PTPN2: variants seen among roughly 807,000 people sequenced by gnomAD.
PTPN2 encodes the protein protein tyrosine phosphatase non-receptor type 2.
Under a neutral mutation model 57.3 loss-of-function variants are expected in PTPN2, and 19 were observed. The ratio of observed to expected loss-of-function variants is 0.33; its 90% CI spans 0.23 to 0.49. PTPN2 has a LOEUF of 0.49. PTPN2 is among the 20% of genes least tolerant of loss of function. The pLI is 0.99. For missense variants in PTPN2, 358 were observed against 501.1 expected (o/e 0.71, Z 2.73); for synonymous variants, 153 against 164.9 (o/e 0.93, Z 0.55).
At chr18:12,859,722 C>G (rs2043724732) in intron 1 of PTPN2, among the ~76,000 whole-genome samples, 1 of 152,188 alleles carries the variant, frequency 6.6e-6, no homozygotes, top group Non-Finnish European at 1.5e-5. Context: ...GAGTTTCTAC[C>G]TGAAAATATT....
chr18:12,830,843 G>T, intron 4 of PTPN2, 100 bp downstream of exon 4: 2 of 896,946 alleles, frequency 2.2e-6, no homozygotes, highest in South Asian at 1.8e-5. Flanking sequence ...AGCAATTAAA[G>T]GCCAAAACTA....
chr18:12,802,183 C>A, intron 7 of PTPN2, 32 bp from the exon 8 acceptor site: 2 of 1,474,964 alleles, frequency 1.4e-6, no homozygotes, highest in South Asian at 1.3e-5. Flanking sequence ...AAAACAAATG[C>A]AAACATTAAA....
At chr18:12,858,601 C>A (rs2145472618) in intron 2 of PTPN2, among the ~76,000 whole-genome samples, 1 of 152,264 alleles carries the variant, frequency 6.6e-6, no homozygotes, top group East Asian at 1.9e-4. Context: ...AAAAGAGCTA[C>A]AAATGAGTAT....
At chr18:12,848,388 A>G (rs560140679) in intron 2 of PTPN2, among the ~76,000 whole-genome samples, 16 of 152,250 alleles carry the variant, frequency 1.1e-4, no homozygotes, top group Non-Finnish European at 2.2e-4. Context: ...TACTTCCTCC[A>G]TCAAACTAAT....
chr18:12,794,762 C>T (rs2041104727), intron 8 of PTPN2, among the ~76,000 whole-genome samples: 1 of 152,148 alleles, frequency 6.6e-6, no homozygotes, highest in South Asian at 2.1e-4. Context: ...ACTGAGACTG[C>T]AGGCGTGCAC....
At chr18:12,811,674 AACTC>A (rs1407757484) in intron 7 of PTPN2, among the ~76,000 whole-genome samples, 3 of 152,150 alleles carry the variant, frequency 2.0e-5, no homozygotes, top group African/African-American at 7.2e-5. Flanking sequence ...AGGTTCAGCA[AACTC>A]ACTCGTCTCT....
At chr18:12,853,526 T>G (rs1290905305) in intron 2 of PTPN2, among the ~76,000 whole-genome samples, 1 of 152,200 alleles carries the variant, frequency 6.6e-6, no homozygotes, top group African/African-American at 2.4e-5. Context: ...TACACATTCC[T>G]GAGCCCCTCT....
intron 2 of PTPN2, among the ~76,000 whole-genome samples, chr18:12,858,449 T>G (rs2043672150): frequency 1.3e-5 from 2 of 152,198 alleles, no homozygotes; most frequent in Non-Finnish European, 2.9e-5. Context: ...TTCACACAAT[T>G]GTGTGCGTCT....
In PTPN2 at chr18:12,793,795, G is replaced by C; in HGVS notation, c.*483C>G. 1 of 938,602 alleles carries C rather than the reference G, an allele frequency of 1.1e-6. No individual in the cohort carries two copies. The highest frequency in any genetic ancestry group is 1.3e-6 in the Non-Finnish European group (1 of 785,538). The allele number at this position is 938,602 out of a possible 1,614,324, so 58.1% of individuals were successfully genotyped here. On this transcript the variant is annotated 3_prime_UTR_variant, in exon 9 of 9. Coordinates refer to ENST00000309660, the MANE Select transcript of PTPN2 (RefSeq NM_002828.4). ...GATACTTATAAAATATATTTACCCT[G>C]AAATGCTTAAGAATAAAAGTGTTGA...
rs151025694 is a variant in PTPN2 at position 12,851,087 on chromosome 18, C to T, written c.160+8077G>A. ...TTACTTGACAGCCTAGTCAATGGTC[C>T]ATTTTTTACAAATAGACCATGTCAG... is the stretch of plus-strand genomic sequence containing the variant. On this transcript the variant is annotated intron_variant, in intron 2 of 8. Transcript: ENST00000309660. Among the ~76,000 whole-genome samples the T allele has an allele frequency of 4.3e-3, 654 of 152,212 alleles. 3 individuals are homozygous for T. Among genetic ancestry groups the T allele is most frequent in the African/African-American group, 0.015 (628 of 41,518 alleles).
At chr18:12,870,709 C>G (rs1033141357) in intron 1 of PTPN2, among the ~76,000 whole-genome samples, 2 of 151,230 alleles carry the variant, frequency 1.3e-5, no homozygotes, top group Non-Finnish European at 2.9e-5. Context: ...CGGGGTTTCA[C>G]CGTGTTAGCC....
intron 7 of PTPN2, among the ~76,000 whole-genome samples, chr18:12,804,354 A>G (rs2041553296): frequency 6.6e-6 from 1 of 151,394 alleles, no homozygotes; most frequent in Non-Finnish European, 1.5e-5. Flanking sequence ...ACCTCAAGGA[A>G]CTAGAAAATA....
At chr18:12,856,291 G>A (rs2043587098) in intron 2 of PTPN2, among the ~76,000 whole-genome samples, 11 of 152,204 alleles carry the variant, frequency 7.2e-5, no homozygotes, top group Admixed American at 7.2e-4. Context: ...ATTTCCATTT[G>A]CAGGCTGAAG....
chr18:12,835,045 A>AT (rs2042806089), intron 3 of PTPN2, among the ~76,000 whole-genome samples: 1 of 152,182 alleles, frequency 6.6e-6, no homozygotes, highest in Non-Finnish European at 1.5e-5. Context: ...TTCACATCCC[A>AT]TGAATACCGT....
intron 4 of PTPN2, among the ~76,000 whole-genome samples, chr18:12,826,840 A>AT (rs2042480141): frequency 6.6e-6 from 1 of 151,576 alleles, no homozygotes; most frequent in African/African-American, 2.4e-5. Context: ...AAGTGCTGGG[A>AT]TTACAGGCGT....
At chr18:12,839,370 T>C (rs1297277612) in intron 2 of PTPN2, 1 of 152,190 alleles carries the variant, frequency 6.6e-6, no homozygotes, top group East Asian at 1.9e-4. Flanking sequence ...TTTTGACTTC[T>C]GAATGAGAAC....
chr18:12,874,458 C>A (rs2044402550), intron 1 of PTPN2, among the ~76,000 whole-genome samples: 1 of 137,994 alleles, frequency 7.2e-6, no homozygotes, highest in African/African-American at 2.7e-5. Context: ...AGGTGAGGGG[C>A]GCCTCTGCCC....
intron 2 of PTPN2, among the ~76,000 whole-genome samples, chr18:12,857,288 T>C (rs570481973): frequency 4.0e-5 from 6 of 151,824 alleles, no homozygotes; most frequent in East Asian, 3.9e-4. Flanking sequence ...TAGACTGTGG[T>C]GGTGATTCCA....
Position 12,792,928 on chromosome 18 carries a change from C to T in PTPN2, c.*1350G>A, listed in dbSNP as rs1300883587. 1 of 984,820 alleles carries T rather than the reference C, an allele frequency of 1.0e-6. No individual in the cohort carries two copies. The highest frequency in any genetic ancestry group is 1.2e-6 in the Non-Finnish European group (1 of 829,508). 61.0% of individuals were successfully genotyped at this position (984,820 alleles called of 1,614,324 possible). ...AATGATAACTGCCCCCTTTAAAATA[C>T]TTAAGCCTTATGCAGAAATCTTATG... On this transcript the variant is annotated 3_prime_UTR_variant, in exon 9 of 9. Coordinates refer to ENST00000309660, the MANE Select transcript of PTPN2 (RefSeq NM_002828.4).
Sources: gnomAD v4.1 joint callset for allele counts (sites outside exome capture counted in the v4.1 genomes callset) on GRCh38, gnomAD v4.1.1 for gene constraint, MANE v1.5 for transcripts, NCBI Gene and HGNC (gene_info 2026-07-23, HGNC 2026-07-21) for gene names.